LARP4B: variants seen among roughly 807,000 people sequenced by gnomAD.
LARP4B encodes the protein La ribonucleoprotein 4B.
LARP4B carries 12 observed loss-of-function variants against 89.8 expected under a neutral mutation model. That is an observed-to-expected ratio of 0.13 (90% CI 0.09 to 0.22). The LOEUF (loss-of-function observed/expected upper bound fraction) is 0.22. Among genes scored for constraint, LARP4B ranks in the 10% least tolerant of loss-of-function variants. The pLI, the probability that LARP4B is intolerant of heterozygous loss-of-function variation, is 1.00. For synonymous variants in LARP4B, 367 were observed against 363.3 expected (o/e 1.01, Z -0.12); for missense variants, 757 against 947.7 (o/e 0.80, Z 2.64).
rs147427693 is a variant in LARP4B at position 891,973 on chromosome 10, C to G, written c.-39-6213G>C. On this transcript the variant is annotated intron_variant, in intron 1 of 17. Coordinates refer to ENST00000316157, the MANE Select transcript of LARP4B (RefSeq NM_015155.3). ...AATAACAAATATTTTGTTACTGGTT[C>G]AAGAGACCTAAAATATTTTGAGATT... 6.2e-3 allele frequency among the ~76,000 whole-genome samples: 949 copies of G among 152,292 alleles called. 10 individuals are homozygous for G. Among genetic ancestry groups the G allele is most frequent in the African/African-American group, 0.022 (924 of 41,554 alleles).
chr10:964,045 G>A, the LARP4B span, among the ~76,000 whole-genome samples: 1 of 152,152 alleles, frequency 6.6e-6, no homozygotes, highest in Non-Finnish European at 1.5e-5. Flanking sequence ...AAACCTGGCT[G>A]TGAGTTGAGG....
At chr10:928,112 C>T (rs1325104034) in intron 1 of LARP4B, among the ~76,000 whole-genome samples, 1 of 151,512 alleles carries the variant, frequency 6.6e-6, no homozygotes, top group Non-Finnish European at 1.5e-5. Flanking sequence ...ATCCCAGCTA[C>T]TCGGGAGGCT....
At position 830,931 on chromosome 10, in the gene LARP4B, T is replaced by C. The variant is rs908040906; in HGVS notation, c.797A>G (p.Asn266Ser). ...ATTATCATTATATGCAAATTCACAG[T>C]TTATAAATTTTGGTAAATTATCTCC... ...FKGDNLPKFINCEFAYNDNWF... is the reference protein window; with the variant it reads ...FKGDNLPKFISCEFAYNDNWF... The change falls in exon 9 of 18, where the codon AAC (asparagine) becomes AGC (serine). Residue 266 changes from asparagine (N) to serine (S), a missense_variant. Coordinates refer to ENST00000316157, the MANE Select transcript of LARP4B (RefSeq NM_015155.3). The C allele has an allele frequency of 1.4e-6, 2 of 1,392,836 alleles. No homozygotes were observed. Among genetic ancestry groups the C allele is most frequent in the Non-Finnish European group, 2.0e-6 (2 of 982,776 alleles). The allele number at this position is 1,392,836 out of a possible 1,614,324, so 86.3% of individuals were successfully genotyped here.
At chr10:905,224 C>G (rs1035460702) in intron 1 of LARP4B, among the ~76,000 whole-genome samples, 1 of 152,162 alleles carries the variant, frequency 6.6e-6, no homozygotes, top group Non-Finnish European at 1.5e-5. Context: ...GAGGCACTCC[C>G]TAAAGTCTTA....
At chr10:816,870 A>G (rs1490876122) in intron 15 of LARP4B, among the ~76,000 whole-genome samples, 1 of 152,144 alleles carries the variant, frequency 6.6e-6, no homozygotes, top group Admixed American at 6.5e-5. Flanking sequence ...GAATGGTTCT[A>G]TCTACTGCGG....
At chr10:918,258 T>C (rs950957695) in intron 1 of LARP4B, among the ~76,000 whole-genome samples, 1 of 152,218 alleles carries the variant, frequency 6.6e-6, no homozygotes, top group East Asian at 1.9e-4. Flanking sequence ...TCTATGCTCC[T>C]GGGTTGCAAT....
intron 5 of LARP4B, among the ~76,000 whole-genome samples, chr10:845,633 T>G (rs886364226): frequency 4.3e-4 from 65 of 152,276 alleles, no homozygotes; most frequent in Admixed American, 2.9e-3. Flanking sequence ...CAAAAGCTGG[T>G]TCTAAATCCT....
At chr10:950,843 T>C in the LARP4B span, among the ~76,000 whole-genome samples, 1 of 152,172 alleles carries the variant, frequency 6.6e-6, no homozygotes, top group African/African-American at 2.4e-5. Context: ...TCATGTATCC[T>C]GTGATCCTGA....
chr10:988,233 C>T, the LARP4B span: 1 of 469,984 alleles, frequency 2.1e-6, no homozygotes, highest in Admixed American at 4.1e-5. Flanking sequence ...CTCCGCGCTC[C>T]CCCTAAAACC....
In LARP4B at chr10:931,501, G is replaced by A. The variant is rs905675542; in HGVS notation, c.-113C>T. 6.7e-6 allele frequency: 1 copy of A among 148,632 alleles called. No individual in the cohort carries two copies. The highest frequency in any genetic ancestry group is 1.5e-5 in the Non-Finnish European group (1 of 66,624). The allele number at this position is 148,632 out of a possible 1,614,324, so 9.2% of individuals were successfully genotyped here. A position where few individuals can be genotyped will look rare whatever the true frequency, so the allele number is the denominator to read the frequency against. ...CTCAACCCCGGGGCCCGGCGGCCGCGCCACACGCGGGGACGGCGAGGAGAG... is the reference window on the plus strand; with the variant it reads ...CTCAACCCCGGGGCCCGGCGGCCGCACCACACGCGGGGACGGCGAGGAGAG... On this transcript the variant is annotated 5_prime_UTR_variant, in exon 1 of 18. Coordinates refer to ENST00000316157, the MANE Select transcript of LARP4B (RefSeq NM_015155.3).
chr10:844,932 A>T, intron 6 of LARP4B, 45 bp downstream of exon 6: 1 of 1,397,778 alleles, frequency 7.2e-7, no homozygotes, highest in Non-Finnish European at 1.0e-6. Flanking sequence ...CTATTTGCAC[A>T]ATACTAGAAA....
rs188619200 is a variant in LARP4B at position 890,979 on chromosome 10, T to C, written c.-39-5219A>G. ...TCATAGAAGGCGCTGTGGATGCTTT[T>C]GCCAACATTAATTTCCAGATTTTTA... On this transcript the variant is annotated intron_variant, in intron 1 of 17. Coordinates refer to ENST00000316157, the MANE Select transcript of LARP4B (RefSeq NM_015155.3). Among the ~76,000 whole-genome samples, 1,130 of 152,296 alleles carry C rather than the reference T, an allele frequency of 7.4e-3. 14 individuals carry two copies. Among genetic ancestry groups the C allele is most frequent in the Non-Finnish European group, 8.1e-3 (554 of 68,028 alleles).
the LARP4B span, among the ~76,000 whole-genome samples, chr10:962,033 C>T: frequency 6.6e-6 from 1 of 152,144 alleles, no homozygotes; most frequent in South Asian, 2.1e-4. Context: ...TGGCTCACAC[C>T]TGTAATCCCA....
At chr10:831,079 T>TA (rs1047068112) in intron 8 of LARP4B, 102 bp from the exon 9 acceptor site, 1 of 527,360 alleles carries the variant, frequency 1.9e-6, no homozygotes, top group African/African-American at 2.0e-5. Flanking sequence ...GAACTATCCT[T>TA]AAACAAACGT....
the LARP4B span, among the ~76,000 whole-genome samples, chr10:962,804 G>C: frequency 6.6e-6 from 1 of 152,146 alleles, no homozygotes. Context: ...GCCAGCCAAA[G>C]CCAGGGACCT....
At chr10:837,861 T>A (rs1315819285) in intron 7 of LARP4B, among the ~76,000 whole-genome samples, 2 of 152,030 alleles carry the variant, frequency 1.3e-5, no homozygotes, top group African/African-American at 4.8e-5. Context: ...AAAAGCAAGA[T>A]CTGTAACACG....
At position 842,780 on chromosome 10, in the gene LARP4B, T is replaced by C. The variant is rs1833587402; in HGVS notation, c.646+152A>G. The C allele has an allele frequency of 9.4e-6, 6 of 636,310 alleles. No individual in the cohort carries two copies. The South Asian group carries it at 1.5e-4, about 16-fold the overall frequency. 39.4% of individuals were successfully genotyped at this position (636,310 alleles called of 1,614,324 possible). On this transcript the variant is annotated intron_variant, in intron 7 of 17. Coordinates refer to ENST00000316157, the MANE Select transcript of LARP4B (RefSeq NM_015155.3). ...CTATCAGGCGCTACTCCAGAATTATTGGACCTGGGCAGAAAGGAACGGAAG... is the reference window on the plus strand; with the variant it reads ...CTATCAGGCGCTACTCCAGAATTATCGGACCTGGGCAGAAAGGAACGGAAG...
upstream of LARP4B, among the ~76,000 whole-genome samples, chr10:934,519 A>G (rs1476779927): frequency 1.3e-5 from 2 of 152,056 alleles, no homozygotes; most frequent in African/African-American, 4.8e-5. Context: ...AACTAAAACT[A>G]AAAGAATTCC....
chr10:945,525 A>C, the LARP4B span, among the ~76,000 whole-genome samples: 1 of 123,336 alleles, frequency 8.1e-6, no homozygotes, highest in East Asian at 2.0e-4. Context: ...TCTCTACTAA[A>C]AATACAAAAA....
Sources: gnomAD v4.1 joint callset for allele counts (sites outside exome capture counted in the v4.1 genomes callset) on GRCh38, gnomAD v4.1.1 for gene constraint, MANE v1.5 for transcripts, NCBI Gene and HGNC (gene_info 2026-07-23, HGNC 2026-07-21) for gene names.